Variants in SNAP25 observed in about 807,000 individuals in gnomAD.
SNAP25 encodes synaptosome associated protein 25, also known as synaptosomal-associated protein 25.
In SNAP25, 3 loss-of-function variants were observed where a neutral mutation model predicts 28.7. The ratio of observed to expected loss-of-function variants is 0.10; its 90% CI spans 0.05 to 0.27. The LOEUF is 0.27. Ranked by LOEUF, SNAP25 falls within the 10% of genes least tolerant of loss-of-function variation. The pLI is 1.00. For synonymous variants in SNAP25, 61 were observed against 88.1 expected (o/e 0.69, Z 1.72); for missense variants, 117 against 278.7 (o/e 0.42, Z 4.13).
intron 1 of SNAP25, among the ~76,000 whole-genome samples, chr20:10,226,136 G>A (rs2089340155): frequency 6.6e-6 from 1 of 152,112 alleles, no homozygotes; most frequent in South Asian, 2.1e-4. Context: ...TTTCCCTGCA[G>A]TTATTCCGAA....
intron 1 of SNAP25, among the ~76,000 whole-genome samples, chr20:10,244,500 G>A (rs991586497): frequency 2.0e-5 from 3 of 152,180 alleles, no homozygotes; most frequent in Admixed American, 6.5e-5. Flanking sequence ...GCACAGTGAG[G>A]TGAGGCAGCT....
intron 1 of SNAP25, among the ~76,000 whole-genome samples, chr20:10,235,654 C>A (rs2062905255): frequency 6.6e-6 from 1 of 152,138 alleles, no homozygotes; most frequent in Non-Finnish European, 1.5e-5. Flanking sequence ...AAACAGCAAC[C>A]ATTTCTTATT....
chr20:10,256,400 C>A (rs1167113596), intron 1 of SNAP25, among the ~76,000 whole-genome samples: 4 of 152,034 alleles, frequency 2.6e-5, no homozygotes, highest in Non-Finnish European at 5.9e-5. Flanking sequence ...GGCTTTAATT[C>A]TTTCCGTATG....
At chr20:10,262,111 T>G (rs1376533843) in intron 1 of SNAP25, among the ~76,000 whole-genome samples, 1 of 151,458 alleles carries the variant, frequency 6.6e-6, no homozygotes, top group Non-Finnish European at 1.5e-5. Flanking sequence ...AAAAGTAGAG[T>G]TTTAGTTTTG....
At chr20:10,306,034 G>A (rs919022080) in intron 7 of SNAP25, 95 bp from the exon 8 acceptor site, 113 of 1,162,580 alleles carry the variant, frequency 9.7e-5, no homozygotes, top group Non-Finnish European at 1.4e-4. Flanking sequence ...GTTTTAAGTG[G>A]TTTCACCCAA....
intron 1 of SNAP25, among the ~76,000 whole-genome samples, chr20:10,224,684 G>T (rs1346276704): frequency 1.3e-5 from 2 of 151,776 alleles, no homozygotes; most frequent in African/African-American, 2.4e-5. Context: ...CCTCAGAATT[G>T]CTTGCCTTCA....
chr20:10,250,265 G>A (rs1027046038), intron 1 of SNAP25, among the ~76,000 whole-genome samples: 1 of 152,100 alleles, frequency 6.6e-6, no homozygotes, highest in Non-Finnish European at 1.5e-5. Flanking sequence ...AATAGAACTG[G>A]TTCTGGTCGT....
At chr20:10,297,301 C>A (rs535515773) in intron 6 of SNAP25, among the ~76,000 whole-genome samples, 199 of 152,254 alleles carry the variant, frequency 1.3e-3, no homozygotes, top group Middle Eastern at 0.01. Context: ...GCCTCTTCAG[C>A]AAGAGAGCCC....
At chr20:10,223,918 A>G (rs1429229419) in intron 1 of SNAP25, among the ~76,000 whole-genome samples, 1 of 152,214 alleles carries the variant, frequency 6.6e-6, no homozygotes, top group Non-Finnish European at 1.5e-5. Context: ...ACATTTAGTA[A>G]GACATAAATT....
intron 1 of SNAP25, among the ~76,000 whole-genome samples, chr20:10,259,958 C>T (rs534872956): frequency 3.3e-5 from 5 of 152,208 alleles, no homozygotes; most frequent in African/African-American, 7.2e-5. Context: ...CCTGATCCAA[C>T]GTCCCATCTT....
intron 1 of SNAP25, among the ~76,000 whole-genome samples, chr20:10,233,772 C>T (rs1047346932): frequency 6.6e-6 from 1 of 152,206 alleles, no homozygotes. Context: ...CCTTCTTGTC[C>T]TAGTATCTCA....
chr20:10,224,478 A>G (rs1462899154), intron 1 of SNAP25, among the ~76,000 whole-genome samples: 1 of 151,538 alleles, frequency 6.6e-6, no homozygotes, highest in Non-Finnish European at 1.5e-5. Flanking sequence ...ATAGAAGTGG[A>G]CTAATGATGT....
rs1457390551 is a variant in SNAP25 at position 10,236,067 on chromosome 20, G to A, written c.-64+17090G>A. Among the ~76,000 whole-genome samples the A allele has an allele frequency of 4.6e-5, 7 of 152,290 alleles. No homozygotes were observed. The East Asian group carries it at 9.6e-4, about 21-fold the overall frequency. ...CAACCATAGTTCCCACCAATCTTGG[G>A]AGCATAGGTCAGAGAGAGCCCCACC... On this transcript the variant is annotated intron_variant, in intron 1 of 7. Transcript: ENST00000254976.
Position 10,270,236 on chromosome 20 carries a change from A to G in SNAP25, c.-63-5193A>G, listed in dbSNP as rs574257477. ...GCCATTGCACTCCAGCCTGGGCAAC[A>G]AGAGCGAAACTCTATCTCAAAAACA... On this transcript the variant is annotated intron_variant, in intron 1 of 7. Transcript: ENST00000254976. Among the ~76,000 whole-genome samples, 4 of 152,256 alleles carry G rather than the reference A, an allele frequency of 2.6e-5. No individual in the cohort carries two copies. In the South Asian group the frequency reaches 8.3e-4, roughly 32 times the overall value.
chr20:10,275,608 G>C (rs1179595744), intron 2 of SNAP25, 45 bp downstream of exon 2: 5 of 1,522,206 alleles, frequency 3.3e-6, no homozygotes, highest in East Asian at 2.3e-5. Context: ...ATGAAGGCCT[G>C]AGTGGTTTGT....
At chr20:10,298,599 A>C (rs980707523) in intron 6 of SNAP25, among the ~76,000 whole-genome samples, 1 of 152,216 alleles carries the variant, frequency 6.6e-6, no homozygotes, top group South Asian at 2.1e-4. Context: ...ACAGTTTTTG[A>C]CTCTGAAATC....
chr20:10,260,160 T>C (rs2063386604), intron 1 of SNAP25, among the ~76,000 whole-genome samples: 2 of 152,202 alleles, frequency 1.3e-5, no homozygotes, highest in South Asian at 4.1e-4. Flanking sequence ...GCCAATTTGG[T>C]AATTCTCAGT....
Position 10,298,610 on chromosome 20 carries a change from A to G in SNAP25, c.408-658A>G, listed in dbSNP as rs117479171. Among the ~76,000 whole-genome samples, 843 of 152,256 alleles carry G rather than the reference A, an allele frequency of 5.5e-3. 2 individuals are homozygous for G. The highest frequency in any genetic ancestry group is 9.7e-3 in the Admixed American group (148 of 15,284). On this transcript the variant is annotated intron_variant, in intron 6 of 7. Transcript: ENST00000254976. ...TTTCACAGTTTTTGACTCTGAAATCACCTATGCACCATGCCACTAAAAAAC... is the reference window on the plus strand; with the variant it reads ...TTTCACAGTTTTTGACTCTGAAATCGCCTATGCACCATGCCACTAAAAAAC...
At chr20:10,261,782 C>T (rs1306300660) in intron 1 of SNAP25, among the ~76,000 whole-genome samples, 1 of 151,830 alleles carries the variant, frequency 6.6e-6, no homozygotes, top group African/African-American at 2.4e-5. Context: ...CATAAGAGGC[C>T]CAGGGTTTTG....
Sources: allele counts gnomAD v4.1 joint callset (sites outside exome capture counted in the v4.1 genomes callset), GRCh38; gene constraint gnomAD v4.1.1; transcripts MANE v1.5; gene names NCBI Gene and HGNC (gene_info 2026-07-23, HGNC 2026-07-21).